The following DLK1 variants were observed in gnomAD, a reference collection of about 807,000 sequenced individuals.
DLK1 encodes the protein delta like non-canonical Notch ligand 1, also known as protein delta homolog 1.
Under a neutral mutation model 35.2 loss-of-function variants are expected in DLK1, and 9 were observed. That is an observed-to-expected ratio of 0.26 (90% confidence interval 0.15 to 0.45). DLK1 has a LOEUF of 0.45. DLK1 is among the 20% of genes least tolerant of loss of function. The probability of loss-of-function intolerance (pLI) is 1.00; values close to 1 mark genes in which losing one functional copy is unlikely to be tolerated. For missense variants in DLK1, 522 were observed against 528.5 expected (o/e 0.99, Z 0.12); for synonymous variants, 231 against 228.4 (o/e 1.01, Z -0.10).
At chr14:100,727,204 T>C in intron 1 of DLK1, 69 bp downstream of exon 1, 1 of 1,441,504 alleles carries the variant, frequency 6.9e-7, no homozygotes, top group East Asian at 2.7e-5. Context: ...GGCCGCCCGG[T>C]GCCCCGCACG....
intron 4 of DLK1, among the ~76,000 whole-genome samples, chr14:100,733,531 C>T (rs1228680636): frequency 6.6e-6 from 1 of 152,030 alleles, no homozygotes; most frequent in African/African-American, 2.4e-5. Context: ...TTGAGAGTCC[C>T]CAAGCGCTTC....
Position 100,727,060 on chromosome 14 carries a change from C to T in DLK1, c.-9C>T, listed in dbSNP as rs2036442335. 1.3e-6 allele frequency: 2 copies of T among 1,563,766 alleles called. No homozygotes were observed. Among genetic ancestry groups the T allele is most frequent in the East Asian group, 2.5e-5 (1 of 40,082 alleles). ...CCGCTCCCGGGACCGCGACCCCGGC[C>T]GCCCAGAGATGACCGCGACCGAAGC... On this transcript the variant is annotated 5_prime_UTR_variant, in exon 1 of 5. Coordinates refer to ENST00000341267, the MANE Select transcript of DLK1 (RefSeq NM_003836.7).
In DLK1 at chr14:100,735,094, C is replaced by G; in HGVS notation, c.*198C>G. ...TCTTTCTCTCTCTTAATGCATGATA[C>G]AGAATAATAATAAGAATTTCATCTT... is the stretch of plus-strand genomic sequence containing the variant. On this transcript the variant is annotated 3_prime_UTR_variant, in exon 5 of 5. Coordinates refer to ENST00000341267, the MANE Select transcript of DLK1 (RefSeq NM_003836.7). 2.0e-6 allele frequency: 1 copy of G among 489,726 alleles called. No individual in the cohort carries two copies. The highest frequency in any genetic ancestry group is 3.4e-6 in the Non-Finnish European group (1 of 297,806). 30.3% of individuals were successfully genotyped at this position (489,726 alleles called of 1,614,324 possible). A position where few individuals can be genotyped will look rare whatever the true frequency, so the allele number is the denominator to read the frequency against.
intron 4 of DLK1, among the ~76,000 whole-genome samples, chr14:100,733,441 G>A (rs969590502): frequency 1.3e-5 from 2 of 152,164 alleles, no homozygotes; most frequent in Non-Finnish European, 2.9e-5. Flanking sequence ...AGCTGCACTT[G>A]GGTGAATGGA....
chr14:100,727,442 T>A (rs1349114766), intron 1 of DLK1, among the ~76,000 whole-genome samples: 1 of 151,594 alleles, frequency 6.6e-6, no homozygotes, highest in Non-Finnish European at 1.5e-5. Flanking sequence ...TGTTGTGGAG[T>A]CTTCTATGAA....
In DLK1 at chr14:100,734,863, C is replaced by T. The variant is rs200106562; in HGVS notation, c.1119C>T (p.Thr373=). The T allele has an allele frequency of 5.1e-5, 81 of 1,602,586 alleles. No individual in the cohort carries two copies. The highest frequency in any genetic ancestry group is 6.6e-5 in the Non-Finnish European group (78 of 1,174,434). ...TCCCCGAGAAGATCGACATGACCAC[C>T]TTCAGCAAGGAGGCCGGCGACGAGG... ...IIFPEKIDMT[T]FSKEAGDEEI is the part of the protein sequence containing the mutation. The change falls in exon 5 of 5, where the codon ACC becomes ACT. Residue 373 remains threonine (T), a synonymous_variant. Transcript: ENST00000341267. The surrounding 1 kb of genome is among the most constrained non-coding windows in gnomAD (Gnocchi z 7.4).
At chr14:100,728,623 G>GC (rs2036467228) in intron 2 of DLK1, 164 bp downstream of exon 2, 4 of 172,444 alleles carry the variant, frequency 2.3e-5, no homozygotes, top group African/African-American at 8.4e-5. Flanking sequence ...GATGGGGGGG[G>GC]CGGGGGGGGG....
chr14:100,728,293 G>C, intron 1 of DLK1, 103 bp from the exon 2 acceptor site: 2 of 1,294,174 alleles, frequency 1.5e-6, no homozygotes, highest in South Asian at 1.2e-5. Flanking sequence ...CAAGAGGGCT[G>C]TTGGTGCCCT....
chr14:100,730,209 T>C (rs1230607580), intron 3 of DLK1, among the ~76,000 whole-genome samples: 2 of 152,232 alleles, frequency 1.3e-5, no homozygotes, highest in East Asian at 3.9e-4. Context: ...CCAGCATCTC[T>C]GCTGCCCCTC....
In DLK1 at chr14:100,726,965, C is replaced by A; in HGVS notation, c.-104C>A. ...CAGCCCTGGCTTTCCCCTCGCTGCGCGCCCGCGCCCCCTTTCGCGTCCGCA... is the reference window on the plus strand; with the variant it reads ...CAGCCCTGGCTTTCCCCTCGCTGCGAGCCCGCGCCCCCTTTCGCGTCCGCA... On this transcript the variant is annotated 5_prime_UTR_variant, in exon 1 of 5. Coordinates refer to ENST00000341267, the MANE Select transcript of DLK1 (RefSeq NM_003836.7). The surrounding 1 kb of genome is among the most constrained non-coding windows in gnomAD (Gnocchi z 4.2). 1 of 1,160,630 alleles carries A rather than the reference C, an allele frequency of 8.6e-7. No individual in the cohort carries two copies. Among genetic ancestry groups the A allele is most frequent in the Non-Finnish European group, 1.1e-6 (1 of 887,528 alleles). The allele number at this position is 1,160,630 out of a possible 1,614,324, so 71.9% of individuals were successfully genotyped here.
At position 100,726,977 on chromosome 14, in the gene DLK1, C is replaced by G. The variant is rs1331441616; in HGVS notation, c.-92C>G. The G allele has an allele frequency of 7.7e-7, 1 of 1,292,490 alleles. No individual in the cohort carries two copies. The highest frequency in any genetic ancestry group is 3.0e-5 in the East Asian group (1 of 33,432). 80.1% of individuals were successfully genotyped at this position (1,292,490 alleles called of 1,614,324 possible). Reference sequence around the variant, plus strand: ...TCCCCTCGCTGCGCGCCCGCGCCCCCTTTCGCGTCCGCAACCAGAAGCCCA... The same window carrying G: ...TCCCCTCGCTGCGCGCCCGCGCCCCGTTTCGCGTCCGCAACCAGAAGCCCA... On this transcript the variant is annotated 5_prime_UTR_variant, in exon 1 of 5. Coordinates refer to ENST00000341267, the MANE Select transcript of DLK1 (RefSeq NM_003836.7). The surrounding 1 kb of genome is among the most constrained non-coding windows in gnomAD (Gnocchi z 4.2).
chr14:100,726,975 C>G lies in DLK1; in HGVS notation c.-94C>G, dbSNP rs960958543. The G allele has an allele frequency of 3.2e-6, 4 of 1,260,852 alleles. No individual in the cohort carries two copies. In the East Asian group the frequency reaches 1.2e-4, roughly 38 times the overall value. 78.1% of individuals were successfully genotyped at this position (1,260,852 alleles called of 1,614,324 possible). Reference sequence around the variant, plus strand: ...TTTCCCCTCGCTGCGCGCCCGCGCCCCCTTTCGCGTCCGCAACCAGAAGCC... The same window carrying G: ...TTTCCCCTCGCTGCGCGCCCGCGCCGCCTTTCGCGTCCGCAACCAGAAGCC... On this transcript the variant is annotated 5_prime_UTR_variant, in exon 1 of 5. Coordinates refer to ENST00000341267, the MANE Select transcript of DLK1 (RefSeq NM_003836.7). The surrounding 1 kb of genome is among the most constrained non-coding windows in gnomAD (Gnocchi z 4.2).
At chr14:100,733,855 G>A (rs958641870) in intron 4 of DLK1, among the ~76,000 whole-genome samples, 1 of 152,156 alleles carries the variant, frequency 6.6e-6, no homozygotes, top group Admixed American at 6.5e-5. Flanking sequence ...TGGGCATCCT[G>A]GCATGGGAGG....
intron 3 of DLK1, among the ~76,000 whole-genome samples, chr14:100,731,220 G>T (rs1182892912): frequency 1.3e-5 from 2 of 152,242 alleles, no homozygotes; most frequent in African/African-American, 2.4e-5. Flanking sequence ...CCACTGGGGA[G>T]CTGGGGTCTC....
chr14:100,733,969 C>T lies in DLK1; in HGVS notation c.405-180C>T, dbSNP rs537036166. Reference sequence around the variant, plus strand: ...TTCTCGCAGACAGGGGTCACGGCCCCGGGCACCTCTCTGTGCCTCCCTGGC... The same window carrying T: ...TTCTCGCAGACAGGGGTCACGGCCCTGGGCACCTCTCTGTGCCTCCCTGGC... On this transcript the variant is annotated intron_variant, in intron 4 of 4. Coordinates refer to ENST00000341267, the MANE Select transcript of DLK1 (RefSeq NM_003836.7). Among the ~76,000 whole-genome samples, 9 of 148,694 alleles carry T rather than the reference C, an allele frequency of 6.1e-5. No individual in the cohort carries two copies. In the South Asian group the frequency reaches 9.0e-4, roughly 15 times the overall value.
At chr14:100,729,831 T>C (rs1262397259) in intron 3 of DLK1, among the ~76,000 whole-genome samples, 10 of 152,178 alleles carry the variant, frequency 6.6e-5, no homozygotes, top group Admixed American at 6.5e-4. Flanking sequence ...AACTCCCAGC[T>C]GTGTAGCAGC....
At position 100,734,912 on chromosome 14, in the gene DLK1, C is replaced by A; in HGVS notation, c.*16C>A. Reference sequence around the variant, plus strand: ...GGAGATCTAAGCAGCGTTCCCACAGCCCCCTCTAGATTCTTGGAGTTCCGC... The same window carrying A: ...GGAGATCTAAGCAGCGTTCCCACAGACCCCTCTAGATTCTTGGAGTTCCGC... On this transcript the variant is annotated 3_prime_UTR_variant, in exon 5 of 5. Coordinates refer to ENST00000341267, the MANE Select transcript of DLK1 (RefSeq NM_003836.7). The surrounding 1 kb of genome is among the most constrained non-coding windows in gnomAD (Gnocchi z 7.4). 1 of 1,552,978 alleles carries A rather than the reference C, an allele frequency of 6.4e-7. No homozygotes were observed.
chr14:100,730,178 C>G (rs552940267), intron 3 of DLK1, among the ~76,000 whole-genome samples: 1 of 152,170 alleles, frequency 6.6e-6, no homozygotes, highest in Non-Finnish European at 1.5e-5. Context: ...AAGGTTTACC[C>G]GCAGCTGACT....
In DLK1 at chr14:100,734,614, A is replaced by G; in HGVS notation, c.870A>G (p.Lys290=). The stretch of plus-strand genomic sequence containing the variant: ...ACCGCATCCTGAAGGTGTCCATGAA[A>G]GAGCTCAACAAGAAAACCCCTCTCC... The part of the protein sequence containing the change: ...PEHRILKVSM[K]ELNKKTPLLT... Residue 290 remains lysine, a synonymous_variant, in exon 5 of 5, where the codon AAA becomes AAG. Transcript: ENST00000341267. This position sits in a 1 kb window ranked among gnomAD's most constrained non-coding sequence, Gnocchi z 7.4. 1.9e-6 allele frequency: 3 copies of G among 1,613,966 alleles called. No homozygotes were observed. The highest frequency in any genetic ancestry group is 2.5e-6 in the Non-Finnish European group (3 of 1,180,012).
Sources: allele counts gnomAD v4.1 joint callset (sites outside exome capture counted in the v4.1 genomes callset), GRCh38; gene constraint gnomAD v4.1.1; non-coding constraint Gnocchi (gnomAD v3.1); transcripts MANE v1.5; gene names NCBI Gene and HGNC (gene_info 2026-07-23, HGNC 2026-07-21).